TTC21B: variants seen among roughly 807,000 people sequenced by gnomAD.
TTC21B encodes tetratricopeptide repeat domain 21B.
In TTC21B, 127 loss-of-function variants were observed where a neutral mutation model predicts 175.1. That is an observed-to-expected ratio of 0.73 (90% confidence interval 0.63 to 0.84). The LOEUF (loss-of-function observed/expected upper bound fraction) is 0.84. Ranked by LOEUF, TTC21B falls within the 40% of genes least tolerant of loss-of-function variation. The pLI is 0.00. For missense variants in TTC21B, 1,561 were observed against 1,558.3 expected (o/e 1.00, Z -0.03); for synonymous variants, 524 against 524.5 (o/e 1.00, Z 0.01).
chr2:165,934,337 C>T (rs534860360), intron 6 of TTC21B, among the ~76,000 whole-genome samples: 43 of 151,570 alleles, frequency 2.8e-4, no homozygotes, highest in African/African-American at 8.7e-4. Context: ...TCCGTCTCTA[C>T]TAAAAATACA....
rs749330118 is a variant in TTC21B at position 165,883,814 on chromosome 2, G to A, written c.3664C>T (p.Arg1222Trp). 26 of 1,613,562 alleles carry A rather than the reference G, an allele frequency of 1.6e-5. No homozygotes were observed. The highest frequency in any genetic ancestry group is 6.7e-5 in the Admixed American group (4 of 59,976). Reference sequence around the variant, plus strand: ...CCTACTCTATTATGACGCAGGCACCGTTTTAACAGGTCTTCTGCCATGTCA... The same window carrying A: ...CCTACTCTATTATGACGCAGGCACCATTTTAACAGGTCTTCTGCCATGTCA... Reference protein sequence around the residue: ...KYDMAEDLLKRCLRHNRSCCK... With the variant: ...KYDMAEDLLKWCLRHNRSCCK... The change falls in exon 26 of 29, where the codon CGG (arginine) becomes TGG (tryptophan). Residue 1222 changes from arginine (R) to tryptophan (W), a missense_variant. By Grantham distance (101) the Arg-to-Trp change is moderately radical. Coordinates refer to ENST00000243344, the MANE Select transcript of TTC21B (RefSeq NM_024753.5).
At chr2:165,929,415 A>C in intron 10 of TTC21B, 80 bp from the exon 11 acceptor site, 2 of 1,159,766 alleles carry the variant, frequency 1.7e-6, no homozygotes, top group Non-Finnish European at 2.5e-6. Flanking sequence ...AAATGCATAT[A>C]ATGTGCTACT....
At chr2:165,876,495 T>G (rs920867688) in intron 27 of TTC21B, among the ~76,000 whole-genome samples, 2 of 152,170 alleles carry the variant, frequency 1.3e-5, no homozygotes, top group Admixed American at 6.5e-5. Flanking sequence ...ATCCCACAAG[T>G]GTGGTTTCTA....
intron 4 of TTC21B, among the ~76,000 whole-genome samples, chr2:165,943,714 C>T (rs906292968): frequency 2.0e-5 from 3 of 152,002 alleles, no homozygotes; most frequent in Non-Finnish European, 4.4e-5. Context: ...TTGGACAAAC[C>T]GTCTAAATGA....
chr2:165,953,714 C>G lies in TTC21B; in HGVS notation c.-9G>C, dbSNP rs1352550609. The G allele has an allele frequency of 2.6e-6, 4 of 1,531,280 alleles. No homozygotes were observed. The highest frequency in any genetic ancestry group is 2.5e-5 in the East Asian group (1 of 40,546). The allele number at this position is 1,531,280 out of a possible 1,614,324, so 94.9% of individuals were successfully genotyped here. ...AATTCCTGCGAGTCCATGGCTGCCC[C>G]GAGGCCGGGCCGCGGGGCTCTGGGG... is the stretch of plus-strand genomic sequence containing the variant. On this transcript the variant is annotated 5_prime_UTR_variant, in exon 1 of 29. Transcript: ENST00000243344.
At position 165,929,716 on chromosome 2, in the gene TTC21B, T is replaced by C. The variant is rs1686814697; in HGVS notation, c.1119A>G (p.Gln373=). 3 of 1,612,746 alleles carry C rather than the reference T, an allele frequency of 1.9e-6. No individual in the cohort carries two copies. The highest frequency in any genetic ancestry group is 2.5e-6 in the Non-Finnish European group (3 of 1,179,226). The part of the protein sequence containing the change: ...GFIQCQLIEG[Q]LQDADQQLEF... ...CTAGCTGCTGATCTGCATCCTGTAA[T>C]TGCCCTTCTATCAACTGACATTGGA... The change falls in exon 10 of 29, where the codon CAA becomes CAG. Residue 373 remains glutamine, a synonymous_variant. Transcript: ENST00000243344.
rs757994855 is a variant in TTC21B, at chr2:165,929,075, A to G, written c.1386+60T>C. On this transcript the variant is annotated intron_variant, in intron 11 of 28. Coordinates refer to ENST00000243344, the MANE Select transcript of TTC21B (RefSeq NM_024753.5). ...TCTAATGCATCAAAGAAAACTTTTA[A>G]GTTCTTTCATAAAACATCAAGTAAA... The G allele has an allele frequency of 2.3e-5, 35 of 1,510,100 alleles. No homozygotes were observed. The Middle Eastern group carries it at 1.2e-3, about 52-fold the overall frequency. The allele number at this position is 1,510,100 out of a possible 1,614,324, so 93.5% of individuals were successfully genotyped here.
intron 6 of TTC21B, among the ~76,000 whole-genome samples, chr2:165,937,074 T>C (rs2105354530): frequency 6.6e-6 from 1 of 152,130 alleles, no homozygotes; most frequent in Non-Finnish European, 1.5e-5. Context: ...AAAACTGTGG[T>C]ACATCGAAAC....
chr2:165,880,440 G>A (rs907437980), intron 27 of TTC21B, among the ~76,000 whole-genome samples: 1 of 152,096 alleles, frequency 6.6e-6, no homozygotes, highest in South Asian at 2.1e-4. Flanking sequence ...AGAGAAGGGG[G>A]CAGAATTAGA....
At position 165,874,495 on chromosome 2, in the gene TTC21B, A is replaced by G; in HGVS notation, c.*260T>C. The G allele has an allele frequency of 3.0e-6, 1 of 335,340 alleles. No individual in the cohort carries two copies. The highest frequency in any genetic ancestry group is 5.5e-6 in the Non-Finnish European group (1 of 180,394). The allele number at this position is 335,340 out of a possible 1,614,324, so 20.8% of individuals were successfully genotyped here. ...TTAACAAAATATTCTTTATAGAAAT[A>G]ATTATAGTCTTTACCACAGAGTCAC... On this transcript the variant is annotated 3_prime_UTR_variant, in exon 29 of 29. Transcript: ENST00000243344.
chr2:165,942,377 T>A (rs1374095129), intron 5 of TTC21B, among the ~76,000 whole-genome samples: 1 of 152,198 alleles, frequency 6.6e-6, no homozygotes, highest in Non-Finnish European at 1.5e-5. Flanking sequence ...AATATTTCCA[T>A]CCATCAGTAA....
chr2:165,940,513 T>C (rs1687325588), intron 6 of TTC21B, among the ~76,000 whole-genome samples: 1 of 152,116 alleles, frequency 6.6e-6, no homozygotes, highest in African/African-American at 2.4e-5. Context: ...TGACATGTGC[T>C]CCCACCTCGG....
chr2:165,936,435 T>A (rs1687148144), intron 6 of TTC21B, among the ~76,000 whole-genome samples: 1 of 152,016 alleles, frequency 6.6e-6, no homozygotes, highest in South Asian at 2.1e-4. Flanking sequence ...AAAGGCATAA[T>A]TCATGAAAGA....
chr2:165,896,893 T>A (rs540784498), intron 22 of TTC21B, among the ~76,000 whole-genome samples: 87 of 152,312 alleles, frequency 5.7e-4, no homozygotes, highest in Non-Finnish European at 1.1e-3. Flanking sequence ...TTTTGTTTGT[T>A]TGTTTGTTTT....
At position 165,896,667 on chromosome 2, in the gene TTC21B, T is replaced by C. The variant is rs192697522; in HGVS notation, c.2950+2019A>G. Among the ~76,000 whole-genome samples, 13 of 152,244 alleles carry C rather than the reference T, an allele frequency of 8.5e-5. No homozygotes were observed. In the East Asian group the frequency reaches 2.3e-3, roughly 27 times the overall value. ...AAAAGAAAATGAGGCAGCAGCCAGATAGACCTGTGGGAGCAGCATATTCCG... is the reference window on the plus strand; with the variant it reads ...AAAAGAAAATGAGGCAGCAGCCAGACAGACCTGTGGGAGCAGCATATTCCG... On this transcript the variant is annotated intron_variant, in intron 22 of 28. Transcript: ENST00000243344.
intron 15 of TTC21B, among the ~76,000 whole-genome samples, chr2:165,913,877 T>G (rs987058197): frequency 5.3e-5 from 8 of 152,148 alleles, no homozygotes; most frequent in African/African-American, 1.9e-4. Flanking sequence ...GAAATGCAGG[T>G]AACTGAGTTC....
chr2:165,919,683 T>A (rs150276214), intron 12 of TTC21B, among the ~76,000 whole-genome samples: 1 of 152,292 alleles, frequency 6.6e-6, no homozygotes, highest in African/African-American at 2.4e-5. Context: ...CAGGAAAGGA[T>A]GAGAGCCAAG....
At chr2:165,941,207 A>G in intron 5 of TTC21B, 23 bp from the exon 6 acceptor site, 1 of 1,613,432 alleles carries the variant, frequency 6.2e-7, no homozygotes, top group Non-Finnish European at 8.5e-7. Context: ...AAAAAAAGTG[A>G]TATCCAAACT....
chr2:165,927,083 TATCCTA>T (rs1686673111), intron 11 of TTC21B, among the ~76,000 whole-genome samples: 1 of 56,766 alleles, frequency 1.8e-5, no homozygotes, highest in African/African-American at 6.7e-5. Context: ...TATATATATA[TATCCTA>T]GTAGATATAT....
Sources: allele counts gnomAD v4.1 joint callset (sites outside exome capture counted in the v4.1 genomes callset), GRCh38; gene constraint gnomAD v4.1.1; transcripts MANE v1.5; gene names NCBI Gene and HGNC (gene_info 2026-07-23, HGNC 2026-07-21).